Variants in HPSE2 observed in about 807,000 individuals in gnomAD.
HPSE2 encodes the protein inactive heparanase-2.
In HPSE2, 38 loss-of-function variants were observed where a neutral mutation model predicts 60.5. The ratio of observed to expected loss-of-function variants is 0.63; its 90% confidence interval spans 0.48 to 0.82. The LOEUF is 0.82. Ranked by LOEUF, HPSE2 falls within the 40% of genes least tolerant of loss-of-function variation. The pLI is 0.00. For missense variants in HPSE2, 713 were observed against 740.4 expected (o/e 0.96, Z 0.43); for synonymous variants, 295 against 293.2 (o/e 1.01, Z -0.06).
intron 7 of HPSE2, among the ~76,000 whole-genome samples, chr10:98,638,962 C>A (rs1432650920): frequency 6.6e-6 from 1 of 152,198 alleles, no homozygotes; most frequent in Non-Finnish European, 1.5e-5. Context: ...CCAAAAATGA[C>A]TGCAAAAACA....
chr10:98,659,019 A>C (rs768953641), intron 6 of HPSE2, among the ~76,000 whole-genome samples: 4 of 151,942 alleles, frequency 2.6e-5, no homozygotes, highest in African/African-American at 9.7e-5. Flanking sequence ...TACAACCATC[A>C]TCATTATCTA....
chr10:98,987,066 AAGG>A (rs917416414), intron 3 of HPSE2, among the ~76,000 whole-genome samples: 16 of 152,132 alleles, frequency 1.1e-4, no homozygotes, highest in African/African-American at 3.9e-4. Flanking sequence ...CCAGAGGTAC[AAGG>A]AGGAGCTGGT....
At chr10:99,212,759 C>T (rs1297121082) in intron 2 of HPSE2, among the ~76,000 whole-genome samples, 2 of 151,894 alleles carry the variant, frequency 1.3e-5, no homozygotes, top group African/African-American at 2.4e-5. Flanking sequence ...TCTTTAAAAT[C>T]GCTAAGAGAA....
intron 3 of HPSE2, among the ~76,000 whole-genome samples, chr10:98,867,855 T>C (rs1952629466): frequency 6.6e-6 from 1 of 151,522 alleles, no homozygotes; most frequent in South Asian, 2.1e-4. Context: ...AGGTCAGGAG[T>C]TCAAAACCAG....
intron 9 of HPSE2, among the ~76,000 whole-genome samples, chr10:98,588,679 G>C (rs971488414): frequency 2.0e-5 from 3 of 152,072 alleles, no homozygotes; most frequent in Non-Finnish European, 4.4e-5. Flanking sequence ...CAGGCACCGA[G>C]ACAAAGCCAA....
chr10:99,210,106 G>A (rs547695488), intron 2 of HPSE2, among the ~76,000 whole-genome samples: 21 of 152,190 alleles, frequency 1.4e-4, no homozygotes, highest in South Asian at 4.2e-4. Context: ...AACTTGTACC[G>A]CAGAAACACA....
At chr10:98,941,116 A>G (rs1954985367) in intron 3 of HPSE2, among the ~76,000 whole-genome samples, 2 of 142,608 alleles carry the variant, frequency 1.4e-5, no homozygotes, top group Non-Finnish European at 3.0e-5. Context: ...ACGAACCCAC[A>G]GCCAGTATCA....
intron 2 of HPSE2, among the ~76,000 whole-genome samples, chr10:99,223,578 C>G (rs1446816545): frequency 1.3e-5 from 2 of 152,160 alleles, no homozygotes; most frequent in African/African-American, 4.8e-5. Flanking sequence ...TCATTATCTG[C>G]TACACAAAAA....
the HPSE2 span, among the ~76,000 whole-genome samples, chr10:99,247,542 C>T: frequency 0.02 from 3,083 of 152,270 alleles, 112 homozygotes; most frequent in East Asian, 0.16. Flanking sequence ...CCTCACATAT[C>T]AATATTAACC....
At chr10:99,233,153 T>A (rs1452567672) in intron 1 of HPSE2, among the ~76,000 whole-genome samples, 1 of 152,078 alleles carries the variant, frequency 6.6e-6, no homozygotes, top group South Asian at 2.1e-4. Context: ...GACGGAGAGA[T>A]CCCCAGGGTA....
chr10:99,266,247 T>C, the HPSE2 span, among the ~76,000 whole-genome samples: 6 of 152,170 alleles, frequency 3.9e-5, no homozygotes, highest in African/African-American at 1.4e-4. Flanking sequence ...GCTGGTTGCC[T>C]GAGGCAAGTT....
At chr10:98,718,611 A>T (rs915725928) in intron 5 of HPSE2, among the ~76,000 whole-genome samples, 1 of 152,210 alleles carries the variant, frequency 6.6e-6, no homozygotes, top group African/African-American at 2.4e-5. Context: ...CAGCCATAAA[A>T]AGAGTGAAAT....
rs573760138 is a variant in HPSE2 at position 98,735,994 on chromosome 10, G to A, written c.784+7889C>T. Among the ~76,000 whole-genome samples, 7 of 152,164 alleles carry A rather than the reference G, an allele frequency of 4.6e-5. No homozygotes were observed. The East Asian group carries it at 1.4e-3, about 29-fold the overall frequency. ...TGGTTTTTAAAAATGAGGACATGAGGTTTGGGAGGAGCCAGGGGTAGAATG... is the reference window on the plus strand; with the variant it reads ...TGGTTTTTAAAAATGAGGACATGAGATTTGGGAGGAGCCAGGGGTAGAATG... On this transcript the variant is annotated intron_variant, in intron 4 of 11. Coordinates refer to ENST00000370552, the MANE Select transcript of HPSE2 (RefSeq NM_021828.5).
In HPSE2 at chr10:98,490,216, A is replaced by C; in HGVS notation, c.1321-20T>G. 1 of 1,613,546 alleles carries C rather than the reference A, an allele frequency of 6.2e-7. No individual in the cohort carries two copies. The highest frequency in any genetic ancestry group is 8.5e-7 in the Non-Finnish European group (1 of 1,179,830). On this transcript the variant is annotated intron_variant, in intron 9 of 11. Coordinates refer to ENST00000370552, the MANE Select transcript of HPSE2 (RefSeq NM_021828.5). The stretch of plus-strand genomic sequence containing the variant: ...GTAGTCCTGAGGAGAATAGAGAGGG[A>C]GAGGGTCAGCGAGAGAACACATGCT...
intron 2 of HPSE2, among the ~76,000 whole-genome samples, chr10:99,195,076 C>A (rs1229029110): frequency 6.6e-6 from 1 of 152,022 alleles, no homozygotes; most frequent in Non-Finnish European, 1.5e-5. Context: ...GATGGCTCGA[C>A]ATAGGCAAAT....
intron 6 of HPSE2, among the ~76,000 whole-genome samples, chr10:98,684,342 A>T (rs143048213): frequency 6.6e-6 from 1 of 152,168 alleles, no homozygotes; most frequent in Non-Finnish European, 1.5e-5. Context: ...GTCTGCATAT[A>T]GAAACAGGAG....
At chr10:98,615,826 T>C (rs578206637) in intron 8 of HPSE2, among the ~76,000 whole-genome samples, 1 of 152,352 alleles carries the variant, frequency 6.6e-6, no homozygotes, top group South Asian at 2.1e-4. Flanking sequence ...CTACTTGTAA[T>C]AATACATAGA....
chr10:99,143,235 T>C (rs1294639101), intron 3 of HPSE2, among the ~76,000 whole-genome samples: 2 of 152,158 alleles, frequency 1.3e-5, no homozygotes, highest in African/African-American at 4.8e-5. Context: ...TCTCATGCTG[T>C]TGGGTTTTTC....
At chr10:98,597,460 T>A (rs968468019) in intron 9 of HPSE2, among the ~76,000 whole-genome samples, 12 of 150,754 alleles carry the variant, frequency 8.0e-5, no homozygotes, top group Admixed American at 2.6e-4. Context: ...AGCTCAGGAG[T>A]TCGAGACCAG....
Sources: gnomAD v4.1 joint callset for allele counts (sites outside exome capture counted in the v4.1 genomes callset) on GRCh38, gnomAD v4.1.1 for gene constraint, MANE v1.5 for transcripts, NCBI Gene and HGNC (gene_info 2026-07-23, HGNC 2026-07-21) for gene names.